POLA1: variants seen among roughly 807,000 people sequenced by gnomAD.
POLA1 encodes the protein DNA polymerase alpha 1, catalytic subunit, also known as DNA polymerase alpha catalytic subunit.
In POLA1, 15 loss-of-function variants were observed where a neutral mutation model predicts 124.0. The ratio of observed to expected loss-of-function variants is 0.12; its 90% CI spans 0.08 to 0.19. The LOEUF (loss-of-function observed/expected upper bound fraction) is 0.19, where lower values mean the gene tolerates loss of function less well. Among genes scored for constraint, POLA1 ranks in the 10% least tolerant of loss-of-function variants. The probability of loss-of-function intolerance (pLI) is 1.00; values close to 1 mark genes in which losing one functional copy is unlikely to be tolerated. For missense variants in POLA1, 886 were observed against 1,103.4 expected, an observed-to-expected ratio of 0.80 and a Z score of 2.79; for synonymous variants, 408 against 389.4, an observed-to-expected ratio of 1.05 and a Z score of -0.56.
At chrX:24,772,934 G>A (rs2045068451) in intron 26 of POLA1, among the ~76,000 whole-genome samples, 1 of 111,719 alleles carries the variant, frequency 9.0e-6, no homozygotes, top group African/African-American at 3.3e-5. Flanking sequence ...CAACCTAAAT[G>A]CCCATCAGTG....
Position 24,699,520 on chromosome X carries a change from G to A in POLA1, c.139G>A (p.Ala47Thr). ...RQEALERLKK[A>T]KAGEKYKYEV... ...AGAAGCCCTAGAAAGACTGAAAAAG[G>A]CTAAAGCTGGTGAGAAGTATAAATA... Residue 47 changes from alanine (A) to threonine (T), a missense_variant, in exon 2 of 37, where the codon GCT becomes ACT. Physicochemically the swap from Ala to Thr is moderately conservative, Grantham distance 58. This residue lies in a region of POLA1 where 49 missense variants were observed against 39.2 expected (regional missense o/e 1.25). Coordinates refer to ENST00000379068, the MANE Select transcript of POLA1 (RefSeq NM_001330360.2). 1 of 1,177,835 alleles carries A rather than the reference G, an allele frequency of 8.5e-7. No individual in the cohort carries two copies. The highest frequency in any genetic ancestry group is 1.1e-6 in the Non-Finnish European group (1 of 876,588).
intron 36 of POLA1, among the ~76,000 whole-genome samples, chrX:24,977,536 G>A (rs774011322): frequency 2.7e-5 from 3 of 112,059 alleles, no homozygotes; most frequent in Non-Finnish European, 5.6e-5. Context: ...GTCTGGGGCA[G>A]TTTTCATTTA....
intron 20 of POLA1, among the ~76,000 whole-genome samples, chrX:24,740,448 T>G (rs1931562339): frequency 9.0e-6 from 1 of 111,714 alleles, no homozygotes; most frequent in African/African-American, 3.3e-5. Context: ...ACTTTTGCCC[T>G]TACCCCCTTG....
chrX:24,847,582 A>G (rs2046493029), intron 34 of POLA1, among the ~76,000 whole-genome samples: 1 of 112,064 alleles, frequency 8.9e-6, no homozygotes, highest in Non-Finnish European at 1.9e-5. Flanking sequence ...TACCATGCAT[A>G]TGATAACCTC....
chrX:24,973,075 G>C (rs2048322604), intron 36 of POLA1, among the ~76,000 whole-genome samples: 1 of 112,195 alleles, frequency 8.9e-6, no homozygotes, highest in African/African-American at 3.2e-5. Flanking sequence ...ACATCTTCTG[G>C]CTGGGTGCAG....
At chrX:24,788,920 A>T (rs1469523457) in intron 26 of POLA1, 1 of 1,204,506 alleles carries the variant, frequency 8.3e-7, no homozygotes, top group East Asian at 3.0e-5. Context: ...GTAGGGCATG[A>T]CACAAGTCGG....
intron 36 of POLA1, among the ~76,000 whole-genome samples, chrX:24,969,991 G>A (rs2048281345): frequency 8.9e-6 from 1 of 112,485 alleles, no homozygotes. Flanking sequence ...GCCTAGAAAG[G>A]ACATGACCTC....
intron 36 of POLA1, among the ~76,000 whole-genome samples, chrX:24,974,303 G>A (rs2048339890): frequency 9.0e-6 from 1 of 111,571 alleles, no homozygotes; most frequent in Non-Finnish European, 1.9e-5. Flanking sequence ...AGAGGCCAAG[G>A]CTGCTACTAA....
At chrX:24,732,592 T>G (rs890389928) in intron 16 of POLA1, 138 bp downstream of exon 16, 2 of 332,771 alleles carry the variant, frequency 6.0e-6, no homozygotes, top group Non-Finnish European at 1.0e-5. Flanking sequence ...GGGTTTTGTT[T>G]TTTTTTGTTT....
intron 26 of POLA1, among the ~76,000 whole-genome samples, chrX:24,768,543 T>C (rs1333734935): frequency 5.4e-5 from 6 of 112,092 alleles, no homozygotes. Context: ...ATACAGAAAA[T>C]GTATTCAGTA....
At chrX:24,699,623 C>A in intron 2 of POLA1, 74 bp downstream of exon 2, 1 of 851,223 alleles carries the variant, frequency 1.2e-6, no homozygotes, top group Non-Finnish European at 1.6e-6. Flanking sequence ...TCTTATGTCA[C>A]CTTTGCCCCA....
intron 34 of POLA1, 63 bp from the exon 35 acceptor site, chrX:24,887,943 A>G (rs1233658604): frequency 1.2e-5 from 8 of 685,248 alleles, no homozygotes; most frequent in Admixed American, 4.5e-5. Flanking sequence ...TTGATAACCA[A>G]AAAAAGGTTT....
chrX:24,969,040 C>A (rs921744591), intron 36 of POLA1, among the ~76,000 whole-genome samples: 10 of 110,452 alleles, frequency 9.1e-5, no homozygotes, highest in Non-Finnish European at 1.9e-4. Context: ...AACCCCATCT[C>A]TACTAAAAAA....
At chrX:24,971,387 C>G (rs2048300650) in intron 36 of POLA1, among the ~76,000 whole-genome samples, 1 of 112,730 alleles carries the variant, frequency 8.9e-6, no homozygotes, top group Non-Finnish European at 1.9e-5. Flanking sequence ...TGCTGCTCAT[C>G]AAAACTGCAA....
intron 34 of POLA1, among the ~76,000 whole-genome samples, chrX:24,878,880 T>C (rs1002508119): frequency 5.4e-5 from 6 of 111,520 alleles, no homozygotes; most frequent in Non-Finnish European, 9.4e-5. Flanking sequence ...TGTTAGTGAT[T>C]TAATTATATT....
At chrX:24,747,970 G>A (rs751560545) in intron 24 of POLA1, among the ~76,000 whole-genome samples, 1 of 111,425 alleles carries the variant, frequency 9.0e-6, no homozygotes, top group Non-Finnish European at 1.9e-5. Context: ...TCCTGACCTC[G>A]TGATCTGCCC....
At chrX:24,697,794 AT>A (rs1928119327) in intron 1 of POLA1, among the ~76,000 whole-genome samples, 2 of 111,066 alleles carry the variant, frequency 1.8e-5, no homozygotes, top group Admixed American at 1.9e-4. Context: ...TTATAAATTA[AT>A]TAGCACCAAA....
rs1433820923 is a variant in POLA1 at position 24,848,812 on chromosome X, C to T, written c.4047+5135C>T. Among the ~76,000 whole-genome samples the T allele has an allele frequency of 2.7e-5, 3 of 112,464 alleles. No individual in the cohort carries two copies. The East Asian group carries it at 8.4e-4, about 32-fold the overall frequency. ...TGAAGCAGCCTCCCACTCTATCCCT[C>T]CTGCCCACACCCATGTAAATCACTA... is the stretch of plus-strand genomic sequence containing the variant. On this transcript the variant is annotated intron_variant, in intron 34 of 36. Transcript: ENST00000379068.
At chrX:24,992,114 C>T (rs1448947409) in intron 36 of POLA1, among the ~76,000 whole-genome samples, 1 of 112,061 alleles carries the variant, frequency 8.9e-6, no homozygotes, top group Non-Finnish European at 1.9e-5. Context: ...AGGTACTGTG[C>T]ATAGCCGGAA....
Sources: allele counts gnomAD v4.1 joint callset (sites outside exome capture counted in the v4.1 genomes callset), GRCh38; gene constraint gnomAD v4.1.1; regional missense constraint gnomAD v4.1.1; transcripts MANE v1.5; gene names NCBI Gene and HGNC (gene_info 2026-07-23, HGNC 2026-07-21).